The following SLC26A4 variants were observed in gnomAD, a reference collection of about 807,000 sequenced individuals.
SLC26A4 encodes solute carrier family 26 member 4, also known as pendrin.
In SLC26A4, 93 loss-of-function variants were observed where a neutral mutation model predicts 90.4. The ratio of observed to expected loss-of-function variants is 1.03; its 90% CI spans 0.87 to 1.22. The LOEUF (loss-of-function observed/expected upper bound fraction) is 1.22, where lower values mean the gene tolerates loss of function less well. Ranked by LOEUF, SLC26A4 falls within the 50% of genes most tolerant of loss-of-function variation. The probability of loss-of-function intolerance (pLI) is 0.00; values close to 1 mark genes in which losing one functional copy is unlikely to be tolerated. For synonymous variants in SLC26A4, 393 were observed against 354.6 expected (o/e 1.11, Z -1.22); for missense variants, 1,127 against 946.2 (o/e 1.19, Z -2.51).
Position 107,663,419 on chromosome 7 carries a change from A to G in SLC26A4, c.288A>G (p.Leu96=). 3 of 1,613,986 alleles carry G rather than the reference A, an allele frequency of 1.9e-6. No homozygotes were observed. The highest frequency in any genetic ancestry group is 2.5e-6 in the Non-Finnish European group (3 of 1,179,888). Residue 96 remains leucine (L), a synonymous_variant, in exon 3 of 21, where the codon CTA becomes CTG. Coordinates refer to ENST00000644269, the MANE Select transcript of SLC26A4 (RefSeq NM_000441.2). ...TCATTTCGGGAGTTAGTACTGGGCT[A>G]GTGGCCACGCTGCAAGGTAAGATGT... ...SDVISGVSTG[L]VATLQGMAYA...
At chr7:107,668,670 A>G (rs1790781826) in intron 3 of SLC26A4, among the ~76,000 whole-genome samples, 1 of 152,210 alleles carries the variant, frequency 6.6e-6, no homozygotes, top group Non-Finnish European at 1.5e-5. Context: ...TTTATTCACA[A>G]CTTTAAGGAG....
intron 6 of SLC26A4, among the ~76,000 whole-genome samples, chr7:107,678,246 A>T (rs1178635336): frequency 6.6e-6 from 1 of 152,212 alleles, no homozygotes; most frequent in Non-Finnish European, 1.5e-5. Flanking sequence ...CTCAATAAAC[A>T]CATATTGAAT....
At position 107,667,460 on chromosome 7, in the gene SLC26A4, T is replaced by TAAAAA. The variant is rs1562820547; in HGVS notation, c.304+4025_304+4026insAAAAA. Among the ~76,000 whole-genome samples, 48 of 26,424 alleles carry TAAAAA rather than the reference T, an allele frequency of 1.8e-3. 4 individuals are homozygous for TAAAAA. The highest frequency in any genetic ancestry group is 2.8e-3 in the Admixed American group (4 of 1,452). 17.3% of individuals were successfully genotyped at this position (26,424 alleles called of 152,430 possible). ...GGGATCAGAAGCCAAGAGAGAAGGT[T>TAAAAA]TAAAAAAAAAAAAAAAAAAAAAAAA... is the stretch of plus-strand genomic sequence containing the variant. On this transcript the variant is annotated intron_variant, in intron 3 of 20. Coordinates refer to ENST00000644269, the MANE Select transcript of SLC26A4 (RefSeq NM_000441.2).
At chr7:107,685,240 T>C (rs1006068784) in intron 8 of SLC26A4, among the ~76,000 whole-genome samples, 9 of 152,274 alleles carry the variant, frequency 5.9e-5, no homozygotes, top group African/African-American at 1.9e-4. Context: ...TACCCAAGCC[T>C]ATGTCATTAT....
chr7:107,691,827 G>GC, intron 10 of SLC26A4: 1 of 1,118,644 alleles, frequency 8.9e-7, no homozygotes, highest in Non-Finnish European at 1.1e-6. Flanking sequence ...AAATAATACA[G>GC]CTCATATCCG....
chr7:107,702,993 A>G (rs1473361518), intron 17 of SLC26A4, among the ~76,000 whole-genome samples: 1 of 152,218 alleles, frequency 6.6e-6, no homozygotes, highest in East Asian at 1.9e-4. Flanking sequence ...TAATGATATC[A>G]GAAACCAGTT....
intron 6 of SLC26A4, among the ~76,000 whole-genome samples, chr7:107,680,183 A>G (rs1791178138): frequency 8.0e-6 from 1 of 125,436 alleles, no homozygotes; most frequent in Non-Finnish European, 1.6e-5. Flanking sequence ...TTATTATATA[A>G]TATAATCTTA....
rs79167785 is a variant in SLC26A4 at position 107,694,171 on chromosome 7, G to A, written c.1264-232G>A. ...AACTGGCTTTAATTTCATAGGATCA[G>A]TCCCCATATTTTCTTTAACTTCTCT... On this transcript the variant is annotated intron_variant, in intron 10 of 20. Transcript: ENST00000644269. Among the ~76,000 whole-genome samples the A allele has an allele frequency of 5.0e-3, 755 of 152,256 alleles. 2 individuals carry two copies. The highest frequency in any genetic ancestry group is 0.018 in the African/African-American group (729 of 41,544).
intron 18 of SLC26A4, among the ~76,000 whole-genome samples, 184 bp downstream of exon 18, chr7:107,704,569 A>C (rs1199242331): frequency 6.6e-6 from 1 of 152,172 alleles, no homozygotes; most frequent in Non-Finnish European, 1.5e-5. Context: ...TAAGTGTTCC[A>C]AGGAACTAAG....
chr7:107,669,478 A>C (rs1230993632), intron 3 of SLC26A4, among the ~76,000 whole-genome samples: 1 of 152,200 alleles, frequency 6.6e-6, no homozygotes, highest in Non-Finnish European at 1.5e-5. Context: ...GAAATAGACA[A>C]GTTGTGCTTT....
chr7:107,706,520 G>A (rs748691813), intron 18 of SLC26A4, among the ~76,000 whole-genome samples: 2 of 152,180 alleles, frequency 1.3e-5, no homozygotes, highest in Non-Finnish European at 2.9e-5. Context: ...TTTTTAAAAC[G>A]TCTTGATGCT....
chr7:107,701,941 T>G lies in SLC26A4; in HGVS notation c.1918T>G (p.Trp640Gly). The change falls in exon 17 of 21, where the codon TGG becomes GGG. Residue 640 changes from tryptophan to glycine, a missense_variant. Coordinates refer to ENST00000644269, the MANE Select transcript of SLC26A4 (RefSeq NM_000441.2). ...PTKEIEIQVD[W>G]NSELPVKVNV... is the part of the protein sequence containing the mutation. ...CAAGGAAATAGAGATTCAAGTGGAT[T>G]GGAACTCTGAGCTTCCAGTCAAAGT... 1 of 1,613,546 alleles carries G rather than the reference T, an allele frequency of 6.2e-7. No homozygotes were observed. The highest frequency in any genetic ancestry group is 8.5e-7 in the Non-Finnish European group (1 of 1,179,458).
At chr7:107,676,819 T>C (rs908665419) in intron 6 of SLC26A4, among the ~76,000 whole-genome samples, 1 of 152,190 alleles carries the variant, frequency 6.6e-6, no homozygotes, top group Non-Finnish European at 1.5e-5. Context: ...AAGTGCTTAC[T>C]ACAGGCCAGG....
intron 6 of SLC26A4, among the ~76,000 whole-genome samples, chr7:107,680,457 CATAATAT>C (rs1791202300): frequency 7.2e-6 from 1 of 139,096 alleles, no homozygotes; most frequent in Non-Finnish European, 1.5e-5. Flanking sequence ...TATATTATTA[CATAATAT>C]ATAAGTATAA....
intron 6 of SLC26A4, among the ~76,000 whole-genome samples, chr7:107,677,435 T>C (rs554905567): frequency 2.6e-5 from 4 of 152,138 alleles, no homozygotes; most frequent in African/African-American, 7.2e-5. Flanking sequence ...ATAGTAAGAA[T>C]TGAGTTTATT....
chr7:107,661,977 C>T lies in SLC26A4; in HGVS notation c.164+172C>T. 1.4e-6 allele frequency: 1 copy of T among 697,728 alleles called. No individual in the cohort carries two copies. The highest frequency in any genetic ancestry group is 2.8e-5 in the East Asian group (1 of 36,008). The allele number at this position is 697,728 out of a possible 1,614,324, so 43.2% of individuals were successfully genotyped here. On this transcript the variant is annotated intron_variant, in intron 2 of 20. Transcript: ENST00000644269. This position sits in a 1 kb window ranked among gnomAD's most constrained non-coding sequence, Gnocchi z 5.1. ...GTCTCCGGTCCTCCACGCCGCCCTT[C>T]TGGTGGGAGGGTGGCTCCATCAGTC...
intron 20 of SLC26A4, among the ~76,000 whole-genome samples, chr7:107,713,606 C>T (rs1301095716): frequency 6.6e-6 from 1 of 152,204 alleles, no homozygotes; most frequent in Admixed American, 6.5e-5. Flanking sequence ...ACACAAAACC[C>T]TAAATGCGGC....
At chr7:107,670,222 C>T (rs1185962338) in intron 3 of SLC26A4, among the ~76,000 whole-genome samples, 1 of 151,570 alleles carries the variant, frequency 6.6e-6, no homozygotes, top group Non-Finnish European at 1.5e-5. Flanking sequence ...CAGTTCTCTG[C>T]CTCAGCCTCC....
chr7:107,710,604 A>C (rs552781826), intron 19 of SLC26A4, among the ~76,000 whole-genome samples: 28 of 152,368 alleles, frequency 1.8e-4, no homozygotes, highest in African/African-American at 6.0e-4. Context: ...AACAGGATCC[A>C]CCAGGCCATA....
Sources: allele counts gnomAD v4.1 joint callset (sites outside exome capture counted in the v4.1 genomes callset), GRCh38; gene constraint gnomAD v4.1.1; non-coding constraint Gnocchi (gnomAD v3.1); transcripts MANE v1.5; gene names NCBI Gene and HGNC (gene_info 2026-07-23, HGNC 2026-07-21).